Variants in DENND1A observed in about 807,000 individuals in gnomAD.
DENND1A encodes DENN domain containing 1A, also known as DENN domain-containing protein 1A.
A neutral mutation model predicts 113.7 loss-of-function variants in DENND1A; 51 were observed. The ratio of observed to expected loss-of-function variants is 0.45; its 90% CI spans 0.36 to 0.57. The LOEUF (loss-of-function observed/expected upper bound fraction) is 0.57. DENND1A is among the 20% of genes least tolerant of loss of function. The pLI is 0.00. For missense variants in DENND1A, 1,258 were observed against 1,395.9 expected, an observed-to-expected ratio of 0.90 and a Z score of 1.57; for synonymous variants, 565 against 570.8, an observed-to-expected ratio of 0.99 and a Z score of 0.14.
chr9:123,683,927 A>G (rs2064637147), intron 5 of DENND1A, among the ~76,000 whole-genome samples: 1 of 152,198 alleles, frequency 6.6e-6, no homozygotes, highest in East Asian at 1.9e-4. Context: ...TGGGGATCCA[A>G]ATTTAGCAGG....
intron 12 of DENND1A, among the ~76,000 whole-genome samples, chr9:123,574,432 T>G (rs1052325112): frequency 6.6e-6 from 1 of 152,188 alleles, no homozygotes; most frequent in Admixed American, 6.5e-5. Flanking sequence ...TATTTCTTCT[T>G]GAGTCACTTT....
chr9:123,511,107 C>T lies in DENND1A; in HGVS notation c.993+46463G>A, dbSNP rs372653834. On this transcript the variant is annotated intron_variant, in intron 13 of 23. Transcript: ENST00000394215. ...CTGATTCCCAAACCTCCATGCATCC[C>T]TCAAGGCCCCAGATATCCCCACTCC... Among the ~76,000 whole-genome samples the T allele has an allele frequency of 1.3e-3, 201 of 152,276 alleles. 2 individuals are homozygous for T. The highest frequency in any genetic ancestry group is 0.012 in the South Asian group (58 of 4,832).
chr9:123,489,490 T>C (rs1260154178), intron 13 of DENND1A, among the ~76,000 whole-genome samples: 1 of 152,240 alleles, frequency 6.6e-6, no homozygotes, highest in Non-Finnish European at 1.5e-5. Context: ...ACTTTTTCTC[T>C]ATTAACTCTG....
chr9:123,437,513 G>A (rs979958688), intron 19 of DENND1A: 3 of 152,234 alleles, frequency 2.0e-5, no homozygotes, highest in East Asian at 1.9e-4. Flanking sequence ...CTTAAATAAC[G>A]AAATCCACAG....
At chr9:123,814,318 C>T (rs1837111113) in intron 2 of DENND1A, among the ~76,000 whole-genome samples, 2 of 152,100 alleles carry the variant, frequency 1.3e-5, no homozygotes, top group Non-Finnish European at 2.9e-5. Flanking sequence ...CCTTCTTCAT[C>T]CAGCCATCTA....
At chr9:123,680,688 G>A (rs1752457420) in intron 5 of DENND1A, among the ~76,000 whole-genome samples, 1 of 152,230 alleles carries the variant, frequency 6.6e-6, no homozygotes, top group Non-Finnish European at 1.5e-5. Context: ...TTGTGTACAC[G>A]TGGATGACTG....
At chr9:123,412,397 C>T (rs1009797096) in intron 19 of DENND1A, among the ~76,000 whole-genome samples, 2 of 152,208 alleles carry the variant, frequency 1.3e-5, no homozygotes, top group African/African-American at 2.4e-5. Flanking sequence ...TCTGTCGGCT[C>T]GGATGCTGCC....
chr9:123,592,263 C>A (rs370649322), intron 11 of DENND1A, among the ~76,000 whole-genome samples: 2 of 152,086 alleles, frequency 1.3e-5, no homozygotes, highest in African/African-American at 4.8e-5. Flanking sequence ...AAGGAAAATG[C>A]GAATAAGTCT....
At chr9:123,399,496 T>A (rs1036817038) in intron 21 of DENND1A, among the ~76,000 whole-genome samples, 1 of 152,112 alleles carries the variant, frequency 6.6e-6, no homozygotes, top group Admixed American at 6.5e-5. Context: ...GCCTCCCGAC[T>A]AGCTGGGACT....
intron 8 of DENND1A, among the ~76,000 whole-genome samples, chr9:123,662,849 G>A (rs945353319): frequency 6.6e-6 from 1 of 152,206 alleles, no homozygotes; most frequent in Non-Finnish European, 1.5e-5. Flanking sequence ...GGGGAAATAT[G>A]TGACTGAGAG....
intron 12 of DENND1A, among the ~76,000 whole-genome samples, chr9:123,570,116 G>A (rs2058275679): frequency 1.3e-5 from 2 of 152,104 alleles, no homozygotes; most frequent in Admixed American, 1.3e-4. Context: ...TGTGCTCATC[G>A]CTCCTTTCCA....
intron 18 of DENND1A, among the ~76,000 whole-genome samples, chr9:123,446,694 G>A (rs1404766194): frequency 6.6e-6 from 1 of 152,180 alleles, no homozygotes; most frequent in Non-Finnish European, 1.5e-5. Flanking sequence ...GTGCATGCCT[G>A]TCGTCCTAGC....
chr9:123,669,418 T>A (rs1052729068), intron 7 of DENND1A, among the ~76,000 whole-genome samples: 1 of 152,198 alleles, frequency 6.6e-6, no homozygotes, highest in African/African-American at 2.4e-5. Flanking sequence ...TCTGTCTTGC[T>A]CCATTGCCCA....
intron 11 of DENND1A, among the ~76,000 whole-genome samples, chr9:123,588,421 C>A (rs1349014368): frequency 6.6e-6 from 1 of 151,422 alleles, no homozygotes; most frequent in African/African-American, 2.4e-5. Flanking sequence ...GAGTTCAAGA[C>A]CAGCCTGGAC....
At chr9:123,857,252 G>A (rs918033893) in intron 2 of DENND1A, among the ~76,000 whole-genome samples, 8 of 152,178 alleles carry the variant, frequency 5.3e-5, no homozygotes, top group African/African-American at 1.9e-4. Flanking sequence ...GAATGATGAG[G>A]ACCAGTCAAA....
At chr9:123,836,157 T>C (rs1841020626) in intron 2 of DENND1A, among the ~76,000 whole-genome samples, 1 of 152,190 alleles carries the variant, frequency 6.6e-6, no homozygotes, top group Non-Finnish European at 1.5e-5. Flanking sequence ...AACAAGCTGT[T>C]AGCAGATTAC....
chr9:123,630,515 A>T, intron 9 of DENND1A, 39 bp from the exon 10 acceptor site: 1 of 1,394,040 alleles, frequency 7.2e-7, no homozygotes, highest in Non-Finnish European at 9.7e-7. Flanking sequence ...AACAAATCCA[A>T]GGGAGGAGAC....
chr9:123,549,118 G>C (rs1006635420), intron 13 of DENND1A, among the ~76,000 whole-genome samples: 2 of 152,060 alleles, frequency 1.3e-5, no homozygotes, highest in Non-Finnish European at 2.9e-5. Context: ...TCTTTAGACA[G>C]ACCTGGGTGT....
intron 18 of DENND1A, among the ~76,000 whole-genome samples, chr9:123,446,028 G>A (rs998747402): frequency 6.6e-6 from 1 of 152,176 alleles, no homozygotes; most frequent in Non-Finnish European, 1.5e-5. Context: ...GGTTCAGTGA[G>A]GTCTTGTAAC....
Sources: gnomAD v4.1 joint callset for allele counts (sites outside exome capture counted in the v4.1 genomes callset) on GRCh38, gnomAD v4.1.1 for gene constraint, MANE v1.5 for transcripts, NCBI Gene and HGNC (gene_info 2026-07-23, HGNC 2026-07-21) for gene names.